RNF17: variants seen among roughly 807,000 people sequenced by gnomAD.
The protein encoded by RNF17 is ring finger protein 17, also known as spermatogenesis associated 23.
Under a neutral mutation model 200.5 loss-of-function variants are expected in RNF17, and 31 were observed. The observed-to-expected ratio is 0.15, with a 90% CI of 0.12 to 0.21. The LOEUF is 0.21. RNF17 is among the 10% of genes least tolerant of loss of function. The probability of loss-of-function intolerance (pLI) is 1.00; values close to 1 mark genes in which losing one functional copy is unlikely to be tolerated. For missense variants in RNF17, 1,628 were observed against 1,905.1 expected, an observed-to-expected ratio of 0.85 and a Z score of 2.71; for synonymous variants, 606 against 637.8, an observed-to-expected ratio of 0.95 and a Z score of 0.75.
chr13:24,833,500 T>C (rs1333371435), intron 18 of RNF17, among the ~76,000 whole-genome samples: 1 of 152,230 alleles, frequency 6.6e-6, no homozygotes. Flanking sequence ...CCTGTATAAC[T>C]GTTTTCCAGC....
chr13:24,886,416 T>C, the RNF17 span: 17 of 1,240,362 alleles, frequency 1.4e-5, no homozygotes, highest in East Asian at 5.6e-5. Flanking sequence ...CATTACACCA[T>C]GGGAAATCAC....
downstream of RNF17, among the ~76,000 whole-genome samples, chr13:24,883,560 A>G (rs1593525179): frequency 4.6e-5 from 7 of 152,302 alleles, no homozygotes; most frequent in South Asian, 1.5e-3. Flanking sequence ...TCAGATTAGC[A>G]TTGTTTTAAT....
At chr13:24,824,800 A>T (rs1197123715) in intron 15 of RNF17, among the ~76,000 whole-genome samples, 1 of 152,204 alleles carries the variant, frequency 6.6e-6, no homozygotes, top group Non-Finnish European at 1.5e-5. Flanking sequence ...GCATAAACAG[A>T]ACTATACACA....
intron 19 of RNF17, among the ~76,000 whole-genome samples, chr13:24,843,471 T>C (rs1179604048): frequency 6.6e-6 from 1 of 152,024 alleles, no homozygotes; most frequent in Non-Finnish European, 1.5e-5. Context: ...TGAGCCAAGA[T>C]CACATCACTG....
At chr13:24,803,832 ATATCT>A (rs1323597783) in intron 14 of RNF17, 2 of 158,488 alleles carry the variant, frequency 1.3e-5, no homozygotes, top group African/African-American at 4.8e-5. Flanking sequence ...TTGAGACTTG[ATATCT>A]TATTTAACCT....
chr13:24,782,834 A>G (rs1882602066), intron 6 of RNF17, among the ~76,000 whole-genome samples: 2 of 152,022 alleles, frequency 1.3e-5, no homozygotes, highest in Admixed American at 6.6e-5. Flanking sequence ...GACTTACAAT[A>G]TTTTCTCCCA....
intron 2 of RNF17, 121 bp from the exon 3 acceptor site, chr13:24,774,691 AT>A: frequency 1.9e-6 from 1 of 518,266 alleles, no homozygotes; most frequent in Non-Finnish European, 3.3e-6. Context: ...TTTACAGGGG[AT>A]TTCAGGATCT....
chr13:24,862,109 T>C (rs1893159480), intron 27 of RNF17, among the ~76,000 whole-genome samples: 1 of 152,130 alleles, frequency 6.6e-6, no homozygotes, highest in Admixed American at 6.5e-5. Flanking sequence ...TCCAGTCACC[T>C]CCCACCAGGT....
the RNF17 span, among the ~76,000 whole-genome samples, chr13:24,757,930 A>G: frequency 6.6e-6 from 1 of 152,116 alleles, no homozygotes; most frequent in Admixed American, 6.6e-5. Context: ...TGATTGGATC[A>G]TGGGGGTGGA....
intron 25 of RNF17, among the ~76,000 whole-genome samples, chr13:24,855,781 A>G (rs186497925): frequency 3.3e-5 from 5 of 152,306 alleles, no homozygotes; most frequent in East Asian, 1.9e-4. Context: ...ATTAAGTTCT[A>G]CCTATCCTAG....
intron 32 of RNF17, among the ~76,000 whole-genome samples, chr13:24,872,329 T>C (rs1011132183): frequency 4.6e-5 from 7 of 152,144 alleles, no homozygotes; most frequent in African/African-American, 1.7e-4. Context: ...TAAAAATCTT[T>C]ATTCATTAGT....
At chr13:24,880,479 T>G (rs1172051114), downstream of RNF17, among the ~76,000 whole-genome samples, 1 of 152,244 alleles carries the variant, frequency 6.6e-6, no homozygotes, top group African/African-American at 2.4e-5. Context: ...GTCTTTATAG[T>G]TTTACTACAT....
chr13:24,854,181 A>C (rs753239865), intron 25 of RNF17, 37 bp downstream of exon 25: 1 of 1,480,164 alleles, frequency 6.8e-7, no homozygotes, highest in South Asian at 1.3e-5. Context: ...CTAGTTCTCT[A>C]GTACGAACGA....
the RNF17 span, chr13:24,886,318 G>A: frequency 7.8e-7 from 1 of 1,289,236 alleles, no homozygotes; most frequent in Non-Finnish European, 1.0e-6. Context: ...AGAATGGCCT[G>A]AAGGAGGAGA....
chr13:24,840,787 T>C (rs1220697946), intron 18 of RNF17, among the ~76,000 whole-genome samples: 1 of 152,132 alleles, frequency 6.6e-6, no homozygotes, highest in African/African-American at 2.4e-5. Flanking sequence ...CGGTGCAGTA[T>C]ATACTGTTTG....
At chr13:24,808,134 T>C (rs1886125242) in intron 15 of RNF17, among the ~76,000 whole-genome samples, 2 of 151,398 alleles carry the variant, frequency 1.3e-5, no homozygotes, top group African/African-American at 4.8e-5. Flanking sequence ...TGCAGGCTCT[T>C]TTTTGGTTCC....
chr13:24,861,010 C>G (rs1018155923), intron 26 of RNF17, among the ~76,000 whole-genome samples: 1 of 151,832 alleles, frequency 6.6e-6, no homozygotes, highest in Non-Finnish European at 1.5e-5. Flanking sequence ...CCTGAGTAGC[C>G]GGGACTACAG....
At chr13:24,769,439 G>C (rs555397337) in intron 2 of RNF17, among the ~76,000 whole-genome samples, 3 of 152,112 alleles carry the variant, frequency 2.0e-5, no homozygotes, top group Non-Finnish European at 4.4e-5. Context: ...ACTGTTAGCC[G>C]AGGTAATTGA....
At chr13:24,763,105 C>A (rs992028612), upstream of RNF17, among the ~76,000 whole-genome samples, 1 of 151,134 alleles carries the variant, frequency 6.6e-6, no homozygotes, top group East Asian at 2.0e-4. Flanking sequence ...AGTGCAAACC[C>A]TATATCCTCT....
Sources: gnomAD v4.1 joint callset for allele counts (sites outside exome capture counted in the v4.1 genomes callset) on GRCh38, gnomAD v4.1.1 for gene constraint, MANE v1.5 for transcripts, NCBI Gene and HGNC (gene_info 2026-07-23, HGNC 2026-07-21) for gene names.